NOS1AP: variants seen among roughly 807,000 people sequenced by gnomAD.
NOS1AP encodes the protein nitric oxide synthase 1 adaptor protein.
Under a neutral mutation model 56.2 loss-of-function variants are expected in NOS1AP, and 21 were observed. The observed-to-expected ratio is 0.37, with a 90% CI of 0.26 to 0.54. The LOEUF (loss-of-function observed/expected upper bound fraction) is 0.54. Among genes scored for constraint, NOS1AP ranks in the 20% least tolerant of loss-of-function variants. NOS1AP has a pLI of 0.84. For missense variants in NOS1AP, 522 were observed against 657.8 expected, an observed-to-expected ratio of 0.79 and a Z score of 2.26; for synonymous variants, 270 against 274.6, an observed-to-expected ratio of 0.98 and a Z score of 0.17.
intron 5 of NOS1AP, chr1:162,342,782 G>A: frequency 5.6e-6 from 2 of 356,460 alleles, no homozygotes; most frequent in East Asian, 1.5e-4. Context: ...ACTATATGGT[G>A]TCAACAGGTG....
chr1:162,142,445 G>T (rs551112222), intron 1 of NOS1AP, among the ~76,000 whole-genome samples: 1 of 152,006 alleles, frequency 6.6e-6, no homozygotes, highest in African/African-American at 2.4e-5. Context: ...TCATGAAAGG[G>T]TATGAAAGGG....
At chr1:162,223,846 G>A (rs1652860208) in intron 2 of NOS1AP, among the ~76,000 whole-genome samples, 1 of 152,160 alleles carries the variant, frequency 6.6e-6, no homozygotes, top group South Asian at 2.1e-4. Context: ...ACAAAGTCAA[G>A]ATAAGCATTT....
chr1:162,183,525 A>T (rs1267866582), intron 2 of NOS1AP, among the ~76,000 whole-genome samples: 2 of 152,194 alleles, frequency 1.3e-5, no homozygotes, highest in Non-Finnish European at 2.9e-5. Context: ...CTTCCAATAG[A>T]TGGCTCTTCC....
At chr1:162,179,683 A>G (rs1037355070) in intron 2 of NOS1AP, among the ~76,000 whole-genome samples, 2 of 152,168 alleles carry the variant, frequency 1.3e-5, no homozygotes, top group Non-Finnish European at 2.9e-5. Flanking sequence ...AGAAGGGTGG[A>G]TGAGTGGGGA....
At chr1:162,198,511 A>C (rs1265575641) in intron 2 of NOS1AP, among the ~76,000 whole-genome samples, 1 of 152,146 alleles carries the variant, frequency 6.6e-6, no homozygotes, top group Non-Finnish European at 1.5e-5. Flanking sequence ...AGCCCTAAAG[A>C]CATCTGAAAA....
intron 2 of NOS1AP, among the ~76,000 whole-genome samples, chr1:162,197,391 C>T (rs1013683318): frequency 2.0e-5 from 3 of 152,234 alleles, no homozygotes; most frequent in African/African-American, 7.2e-5. Context: ...GGTGCTCTGC[C>T]GAGCCAGGAT....
At chr1:162,306,504 C>T (rs1655832056) in intron 4 of NOS1AP, among the ~76,000 whole-genome samples, 1 of 152,158 alleles carries the variant, frequency 6.6e-6, no homozygotes, top group African/African-American at 2.4e-5. Flanking sequence ...TTCTTGTGGG[C>T]AACCGTAAAA....
At chr1:162,245,208 A>G (rs1653623671) in intron 2 of NOS1AP, among the ~76,000 whole-genome samples, 1 of 152,214 alleles carries the variant, frequency 6.6e-6, no homozygotes, top group African/African-American at 2.4e-5. Flanking sequence ...AATTTTAAAA[A>G]CTGGGCAAAA....
chr1:162,200,296 C>T (rs1490318707), intron 2 of NOS1AP, among the ~76,000 whole-genome samples: 1 of 152,170 alleles, frequency 6.6e-6, no homozygotes, highest in Non-Finnish European at 1.5e-5. Flanking sequence ...CCATCAGTCC[C>T]AGAACTTGGC....
At chr1:162,158,147 A>T (rs914814458) in intron 2 of NOS1AP, among the ~76,000 whole-genome samples, 1 of 152,140 alleles carries the variant, frequency 6.6e-6, no homozygotes, top group African/African-American at 2.4e-5. Context: ...CATTAAACAC[A>T]ATTCCCCTTC....
rs199551899 is a variant in NOS1AP, at chr1:162,134,298, G to A, written c.106-20107G>A. On this transcript the variant is annotated intron_variant, in intron 1 of 9. Coordinates refer to ENST00000361897, the MANE Select transcript of NOS1AP (RefSeq NM_014697.3). The stretch of plus-strand genomic sequence containing the variant: ...ATGAGGCCAGGAGTTTGAGACCAGC[G>A]TGGCCAACATGGCAAACCACCATCT... 1.6e-4 allele frequency among the ~76,000 whole-genome samples: 25 copies of A among 151,942 alleles called. 1 individual carries two copies. In the East Asian group the frequency reaches 4.9e-3, roughly 30 times the overall value.
chr1:162,199,038 G>C (rs537438281), intron 2 of NOS1AP, among the ~76,000 whole-genome samples: 1 of 152,272 alleles, frequency 6.6e-6, no homozygotes, highest in South Asian at 2.1e-4. Flanking sequence ...ATATGGCAAA[G>C]GGACACCTTA....
At chr1:162,279,298 G>A (rs1305413996) in intron 2 of NOS1AP, among the ~76,000 whole-genome samples, 1 of 152,140 alleles carries the variant, frequency 6.6e-6, no homozygotes, top group African/African-American at 2.4e-5. Context: ...GGGCTATCTC[G>A]TCTCCTCTCT....
intron 2 of NOS1AP, among the ~76,000 whole-genome samples, chr1:162,169,869 C>G (rs567312540): frequency 6.6e-6 from 1 of 152,164 alleles, no homozygotes; most frequent in Non-Finnish European, 1.5e-5. Flanking sequence ...CTGGCCACAC[C>G]GAATTTCTTA....
chr1:162,104,238 A>C (rs1252521104), intron 1 of NOS1AP, among the ~76,000 whole-genome samples: 1 of 152,170 alleles, frequency 6.6e-6, no homozygotes. Context: ...ATTGGCCCCC[A>C]GTCTCTTCTG....
chr1:162,267,124 CAAAG>C (rs1654448522), intron 2 of NOS1AP, among the ~76,000 whole-genome samples: 2 of 151,914 alleles, frequency 1.3e-5, no homozygotes, highest in African/African-American at 4.8e-5. Flanking sequence ...TTGACACTGC[CAAAG>C]AAAGAGAACC....
chr1:162,350,495 T>A (rs917546079), intron 6 of NOS1AP, among the ~76,000 whole-genome samples: 3 of 152,242 alleles, frequency 2.0e-5, no homozygotes, highest in Non-Finnish European at 2.9e-5. Flanking sequence ...ACTTGCCCTG[T>A]TGTGCCCTAT....
chr1:162,287,206 C>T (rs868141099), intron 2 of NOS1AP, 138 bp from the exon 3 acceptor site: 44 of 654,498 alleles, frequency 6.7e-5, no homozygotes, highest in Non-Finnish European at 9.3e-5. Flanking sequence ...TTACATCCCC[C>T]GAGGTGCTCC....
chr1:162,120,502 G>A (rs1442259082), intron 1 of NOS1AP, among the ~76,000 whole-genome samples: 1 of 152,210 alleles, frequency 6.6e-6, no homozygotes, highest in Non-Finnish European at 1.5e-5. Flanking sequence ...AGAAACAGAG[G>A]TTTAATGGAC....
Sources: gnomAD v4.1 joint callset for allele counts (sites outside exome capture counted in the v4.1 genomes callset) on GRCh38, gnomAD v4.1.1 for gene constraint, MANE v1.5 for transcripts, NCBI Gene and HGNC (gene_info 2026-07-23, HGNC 2026-07-21) for gene names.